The following NPEPPS variants were observed in gnomAD, a reference collection of about 807,000 sequenced individuals.
NPEPPS encodes the protein puromycin-sensitive aminopeptidase.
A neutral mutation model predicts 115.5 loss-of-function variants in NPEPPS; 14 were observed. The ratio of observed to expected loss-of-function variants is 0.12; its 90% CI spans 0.08 to 0.19. The LOEUF (loss-of-function observed/expected upper bound fraction) is 0.19. NPEPPS is among the 10% of genes least tolerant of loss of function. The pLI, the probability that NPEPPS is intolerant of heterozygous loss-of-function variation, is 1.00. For synonymous variants in NPEPPS, 285 were observed against 390.6 expected, an observed-to-expected ratio of 0.73 and a Z score of 3.19; for missense variants, 523 against 1,110.8, an observed-to-expected ratio of 0.47 and a Z score of 7.52.
At chr17:47,580,943 C>T (rs1445629401) in intron 4 of NPEPPS, 3 of 151,774 alleles carry the variant, frequency 2.0e-5, no homozygotes, top group Admixed American at 1.3e-4. Context: ...AATCCCAAAT[C>T]GTATAGTGGG....
chr17:47,583,039 G>C (rs989494432), intron 5 of NPEPPS, among the ~76,000 whole-genome samples, 190 bp downstream of exon 5: 7 of 148,222 alleles, frequency 4.7e-5, no homozygotes, highest in Non-Finnish European at 8.9e-5. Context: ...GTAGAGTTGG[G>C]GTCTCATTAT....
intron 3 of NPEPPS, among the ~76,000 whole-genome samples, chr17:47,572,155 C>A (rs1477007595): frequency 6.6e-6 from 1 of 152,114 alleles, no homozygotes; most frequent in Non-Finnish European, 1.5e-5. Flanking sequence ...TGACTCACAC[C>A]TGTAATCTCA....
At chr17:47,549,826 A>T (rs1485435713) in intron 2 of NPEPPS, among the ~76,000 whole-genome samples, 1 of 149,536 alleles carries the variant, frequency 6.7e-6, no homozygotes, top group Non-Finnish European at 1.5e-5. Flanking sequence ...ACAGGGATAG[A>T]TTTGGCCTTC....
chr17:47,619,722 A>C lies in NPEPPS; in HGVS notation c.2560-15A>C. ...CTCTTGGTTTCACTTACTGTTTAAAACCATTGTTTTGCAGCTATCAGTTGA... is the reference window on the plus strand; with the variant it reads ...CTCTTGGTTTCACTTACTGTTTAAACCCATTGTTTTGCAGCTATCAGTTGA... On this transcript the variant is annotated splice_polypyrimidine_tract_variant and intron_variant, in intron 21 of 22. Transcript: ENST00000322157. 1 of 1,612,454 alleles carries C rather than the reference A, an allele frequency of 6.2e-7. No individual in the cohort carries two copies.
chr17:47,569,903 G>A (rs1245134970), intron 3 of NPEPPS, among the ~76,000 whole-genome samples: 3 of 152,168 alleles, frequency 2.0e-5, no homozygotes, highest in African/African-American at 7.2e-5. Context: ...ACAGGCAGGA[G>A]CCACCGCGCC....
chr17:47,591,329 C>T (rs1912490321), intron 10 of NPEPPS, among the ~76,000 whole-genome samples: 1 of 152,036 alleles, frequency 6.6e-6, no homozygotes, highest in Non-Finnish European at 1.5e-5. Context: ...CGAGATCGTG[C>T]CATTGCACTC....
At chr17:47,592,322 C>T (rs2611853) in intron 11 of NPEPPS, among the ~76,000 whole-genome samples, 163 bp from the exon 12 acceptor site, 4 of 151,788 alleles carry the variant, frequency 2.6e-5, no homozygotes, top group African/African-American at 7.3e-5. Flanking sequence ...GCATAGAGTA[C>T]GCATTATTAA....
intron 14 of NPEPPS, 81 bp downstream of exon 14, chr17:47,599,820 A>G: frequency 8.2e-7 from 1 of 1,224,520 alleles, no homozygotes; most frequent in Non-Finnish European, 1.1e-6. Context: ...CTAATAGGAA[A>G]TTTTTCTTTT....
chr17:47,524,602 C>G (rs1907351613), intron 1 of NPEPPS, among the ~76,000 whole-genome samples: 1 of 151,684 alleles, frequency 6.6e-6, no homozygotes, highest in South Asian at 2.1e-4. Context: ...TCACACCATT[C>G]TCCTGCCTCA....
At chr17:47,613,627 A>G in intron 18 of NPEPPS, 42 bp from the exon 19 acceptor site, 4 of 1,470,484 alleles carry the variant, frequency 2.7e-6, no homozygotes, top group Non-Finnish European at 3.8e-6. Context: ...TACTTGAAAC[A>G]AGGTACATTT....
intron 3 of NPEPPS, among the ~76,000 whole-genome samples, chr17:47,573,556 A>C (rs1911326078): frequency 1.3e-5 from 2 of 152,208 alleles, no homozygotes; most frequent in South Asian, 4.1e-4. Flanking sequence ...AAATGTCTAA[A>C]GTTGAAAAAT....
chr17:47,545,100 G>T (rs1394477476), intron 1 of NPEPPS, among the ~76,000 whole-genome samples: 1 of 151,998 alleles, frequency 6.6e-6, no homozygotes, highest in South Asian at 2.1e-4. Flanking sequence ...GACCTCCTGG[G>T]CTTAAGGGAT....
At position 47,612,615 on chromosome 17, in the gene NPEPPS, C is replaced by A. The variant is rs758635983; in HGVS notation, c.2238+13C>A. On this transcript the variant is annotated intron_variant, in intron 18 of 22. Transcript: ENST00000322157. ...TCTGAGGAGTCCTGTAGGTTTTCAT[C>A]ATAAATTCCCTTGACTTATAGGTAA... 13 of 1,589,990 alleles carry A rather than the reference C, an allele frequency of 8.2e-6. No homozygotes were observed. In the African/African-American group the frequency reaches 1.6e-4, roughly 20 times the overall value.
At chr17:47,559,745 C>G (rs1567846853) in intron 2 of NPEPPS, 1 of 384,326 alleles carries the variant, frequency 2.6e-6, no homozygotes, top group Non-Finnish European at 5.3e-6. Flanking sequence ...ACTCAAGCCT[C>G]TTGTCTTGTC....
chr17:47,591,066 T>C (rs1419147536), intron 10 of NPEPPS, among the ~76,000 whole-genome samples, 185 bp downstream of exon 10: 1 of 152,130 alleles, frequency 6.6e-6, no homozygotes, highest in Non-Finnish European at 1.5e-5. Context: ...CTTTTTAAGG[T>C]AGGCAGTAAA....
chr17:47,615,652 TAA>T (rs1215606065), intron 19 of NPEPPS, among the ~76,000 whole-genome samples: 1 of 152,236 alleles, frequency 6.6e-6, no homozygotes, highest in Non-Finnish European at 1.5e-5. Context: ...CTGTATACTA[TAA>T]ATGATATGTA....
chr17:47,549,780 CAAA>C (rs34434179), intron 2 of NPEPPS, among the ~76,000 whole-genome samples: 4 of 43,370 alleles, frequency 9.2e-5, no homozygotes, highest in Admixed American at 7.4e-4. Context: ...GACTCTGTCT[CAAA>C]AAAAAAAAAA....
chr17:47,533,778 A>T (rs1907995897), intron 1 of NPEPPS, among the ~76,000 whole-genome samples: 1 of 152,120 alleles, frequency 6.6e-6, no homozygotes, highest in Non-Finnish European at 1.5e-5. Context: ...TGTTAATTTG[A>T]TGCAAGGAAA....
upstream of NPEPPS, among the ~76,000 whole-genome samples, chr17:47,526,538 T>C (rs1907439266): frequency 6.6e-6 from 1 of 152,148 alleles, no homozygotes; most frequent in Admixed American, 6.6e-5. Context: ...AAAAAACAAG[T>C]CTGGGAAAAT....
Sources: gnomAD v4.1 joint callset for allele counts (sites outside exome capture counted in the v4.1 genomes callset) on GRCh38, gnomAD v4.1.1 for gene constraint, MANE v1.5 for transcripts, NCBI Gene and HGNC (gene_info 2026-07-23, HGNC 2026-07-21) for gene names.